ELAVL2: variants seen among roughly 807,000 people sequenced by gnomAD.
The protein encoded by ELAVL2 is ELAV-like protein 2.
Under a neutral mutation model 34.6 loss-of-function variants are expected in ELAVL2, and 4 were observed. The observed-to-expected ratio is 0.12, with a 90% confidence interval of 0.06 to 0.26. ELAVL2 has a LOEUF of 0.26. Ranked by LOEUF, ELAVL2 falls within the 10% of genes least tolerant of loss-of-function variation. The probability of loss-of-function intolerance (pLI) is 1.00; values close to 1 mark genes in which losing one functional copy is unlikely to be tolerated. For missense variants in ELAVL2, 432 were observed against 442.8 expected (o/e 0.98, Z 0.22); for synonymous variants, 193 against 154.8 (o/e 1.25, Z -1.83).
At chr9:23,733,172 T>TAAAAAAAAAAAAAA (rs397953305) in intron 2 of ELAVL2, among the ~76,000 whole-genome samples, 1 of 104,594 alleles carries the variant, frequency 9.6e-6, no homozygotes, top group Non-Finnish European at 2.0e-5. Context: ...CTAGAAAGCT[T>TAAAAAAAAAAAAAA]AAAAAAAAAA....
At chr9:23,743,050 A>T (rs1000696634) in intron 2 of ELAVL2, among the ~76,000 whole-genome samples, 5 of 152,182 alleles carry the variant, frequency 3.3e-5, no homozygotes, top group Non-Finnish European at 5.9e-5. Context: ...AAAGAAAAGG[A>T]ATCCTAATGG....
chr9:23,706,685 A>AT (rs1250496938), intron 3 of ELAVL2, among the ~76,000 whole-genome samples: 1 of 152,216 alleles, frequency 6.6e-6, no homozygotes, highest in Non-Finnish European at 1.5e-5. Context: ...AGGTAAAGTG[A>AT]TAACTACTGC....
chr9:23,843,107 A>G, the ELAVL2 span, among the ~76,000 whole-genome samples: 1 of 152,146 alleles, frequency 6.6e-6, no homozygotes, highest in East Asian at 1.9e-4. Context: ...ACAAAAATAG[A>G]ATTTACATTA....
At chr9:23,693,621 C>G (rs2034016338) in intron 5 of ELAVL2, 135 bp from the exon 6 acceptor site, 2 of 1,092,352 alleles carry the variant, frequency 1.8e-6, no homozygotes, top group Non-Finnish European at 1.4e-6. Flanking sequence ...AATGCTGGGT[C>G]TTTTTACGTT....
At chr9:23,730,857 G>C (rs756668179) in intron 3 of ELAVL2, among the ~76,000 whole-genome samples, 165 bp downstream of exon 3, 1 of 152,010 alleles carries the variant, frequency 6.6e-6, no homozygotes, top group African/African-American at 2.4e-5. Flanking sequence ...TAGCACTCTT[G>C]AACAAACAGT....
intron 1 of ELAVL2, among the ~76,000 whole-genome samples, chr9:23,816,130 G>C (rs991030990): frequency 2.0e-5 from 3 of 151,708 alleles, no homozygotes; most frequent in Non-Finnish European, 4.4e-5. Context: ...ATTTCTCTAG[G>C]AAGAGACAGC....
intron 2 of ELAVL2, among the ~76,000 whole-genome samples, chr9:23,756,344 T>C (rs2053553545): frequency 6.6e-6 from 1 of 152,176 alleles, no homozygotes; most frequent in South Asian, 2.1e-4. Flanking sequence ...GGAATTTATA[T>C]TTGGGTTTTT....
chr9:23,724,274 C>T (rs1285680122), intron 3 of ELAVL2, among the ~76,000 whole-genome samples: 2 of 152,184 alleles, frequency 1.3e-5, no homozygotes, highest in African/African-American at 4.8e-5. Context: ...AACCCTGTTC[C>T]TCATCCTTCC....
chr9:23,834,629 A>G, the ELAVL2 span, among the ~76,000 whole-genome samples: 1 of 152,144 alleles, frequency 6.6e-6, no homozygotes, highest in Admixed American at 6.5e-5. Flanking sequence ...CCAGAATTAG[A>G]ATTCCTGCCT....
chr9:23,697,696 A>G (rs1003864029), intron 5 of ELAVL2, among the ~76,000 whole-genome samples: 6 of 152,184 alleles, frequency 3.9e-5, no homozygotes, highest in African/African-American at 1.4e-4. Flanking sequence ...GTTCATAAGT[A>G]GAAAATAAAA....
intron 2 of ELAVL2, among the ~76,000 whole-genome samples, chr9:23,732,302 C>T (rs1429044075): frequency 6.6e-6 from 1 of 152,022 alleles, no homozygotes; most frequent in African/African-American, 2.4e-5. Context: ...ACCACATAAA[C>T]GAAAAGAGAA....
rs536335428 is a variant in ELAVL2, at chr9:23,733,239, T to C, written c.230-2114A>G. Among the ~76,000 whole-genome samples, 24 of 147,412 alleles carry C rather than the reference T, an allele frequency of 1.6e-4. No homozygotes were observed. The South Asian group carries it at 4.6e-3, about 28-fold the overall frequency. On this transcript the variant is annotated intron_variant, in intron 2 of 6. Transcript: ENST00000397312. Reference sequence around the variant, plus strand: ...CCCGAATCCCACTCCCAAAAATAGATAGATATATATACATATATGTGTGTT... The same window carrying C: ...CCCGAATCCCACTCCCAAAAATAGACAGATATATATACATATATGTGTGTT...
At chr9:23,770,487 G>A (rs577502241) in intron 1 of ELAVL2, among the ~76,000 whole-genome samples, 1 of 152,236 alleles carries the variant, frequency 6.6e-6, no homozygotes, top group Non-Finnish European at 1.5e-5. Flanking sequence ...GAGAAAGGGA[G>A]ATTATCCTTG....
At chr9:23,811,259 A>C (rs917286887) in intron 1 of ELAVL2, among the ~76,000 whole-genome samples, 1 of 152,260 alleles carries the variant, frequency 6.6e-6, no homozygotes, top group Non-Finnish European at 1.5e-5. Flanking sequence ...GCCAGTTCCA[A>C]CTGAAGGAAT....
At chr9:23,765,264 T>C (rs2055972644) in intron 1 of ELAVL2, among the ~76,000 whole-genome samples, 1 of 152,212 alleles carries the variant, frequency 6.6e-6, no homozygotes, top group Non-Finnish European at 1.5e-5. Context: ...CAAATTCATT[T>C]CAACATGTAG....
In ELAVL2 at chr9:23,747,382, AACTAAACTGC is replaced by A. The variant is rs201143083; in HGVS notation, c.229+14614_229+14623del. 9.4e-3 allele frequency among the ~76,000 whole-genome samples: 1,429 copies of A among 152,264 alleles called. 18 individuals are homozygous for A. The highest frequency in any genetic ancestry group is 0.032 in the African/African-American group (1,317 of 41,548). On this transcript the variant is annotated intron_variant, in intron 2 of 6. Transcript: ENST00000397312. ...TTAACACTATGGTTGACCACCAGTTAACTAAACTGCAGAAAGCGAAACTGTTGATAATGGG... is the reference window on the plus strand; with the variant it reads ...TTAACACTATGGTTGACCACCAGTTAAGAAAGCGAAACTGTTGATAATGGG...
chr9:23,702,902 T>C (rs1412789049), intron 4 of ELAVL2, among the ~76,000 whole-genome samples: 3 of 127,696 alleles, frequency 2.3e-5, no homozygotes, highest in African/African-American at 8.7e-5. Context: ...CTATTAAGAA[T>C]TAATAACCTC....
upstream of ELAVL2, among the ~76,000 whole-genome samples, chr9:23,830,626 C>CACACACACACACCT (rs1491521757): frequency 1.2e-4 from 9 of 72,550 alleles, no homozygotes; most frequent in South Asian, 3.9e-4. Context: ...ACACACACAC[C>CACACACACACACCT]TTTTTTTTTT....
chr9:23,774,079 C>G (rs951295354), intron 1 of ELAVL2, among the ~76,000 whole-genome samples: 1 of 151,522 alleles, frequency 6.6e-6, no homozygotes, highest in Non-Finnish European at 1.5e-5. Context: ...GACTTGGTGG[C>G]GGGCGCCTGT....
Sources: allele counts gnomAD v4.1 joint callset (sites outside exome capture counted in the v4.1 genomes callset), GRCh38; gene constraint gnomAD v4.1.1; transcripts MANE v1.5; gene names NCBI Gene and HGNC (gene_info 2026-07-23, HGNC 2026-07-21).